RAD51B: variants seen among roughly 807,000 people sequenced by gnomAD.
RAD51B encodes RAD51 paralog B.
RAD51B carries 38 observed loss-of-function variants against 42.2 expected under a neutral mutation model. The observed-to-expected ratio is 0.90, with a 90% confidence interval of 0.70 to 1.18. The LOEUF (loss-of-function observed/expected upper bound fraction) is 1.18. Ranked by LOEUF, RAD51B falls within the 50% of genes most tolerant of loss-of-function variation. The probability of loss-of-function intolerance (pLI) is 0.00; values close to 1 mark genes in which losing one functional copy is unlikely to be tolerated. For missense variants in RAD51B, 373 were observed against 400.7 expected (o/e 0.93, Z 0.59); for synonymous variants, 154 against 145.2 (o/e 1.06, Z -0.43).
chr14:68,009,885 A>G (rs1451491878), intron 7 of RAD51B, among the ~76,000 whole-genome samples: 1 of 151,862 alleles, frequency 6.6e-6, no homozygotes, highest in Admixed American at 6.6e-5. Flanking sequence ...AGACTATTCT[A>G]TCTTATTCTC....
At chr14:68,642,878 G>C (rs1384997234) in intron 10 of RAD51B, among the ~76,000 whole-genome samples, 1 of 152,194 alleles carries the variant, frequency 6.6e-6, no homozygotes, top group Non-Finnish European at 1.5e-5. Context: ...ATTTATAAGT[G>C]TGTGGCTTAA....
At chr14:68,238,103 A>G (rs567470661) in intron 7 of RAD51B, among the ~76,000 whole-genome samples, 1 of 152,066 alleles carries the variant, frequency 6.6e-6, no homozygotes, top group African/African-American at 2.4e-5. Flanking sequence ...CTGCCAAATC[A>G]TTTTCCAAAG....
chr14:68,143,024 G>T (rs1045617903), intron 7 of RAD51B, among the ~76,000 whole-genome samples: 3 of 151,544 alleles, frequency 2.0e-5, no homozygotes, highest in Non-Finnish European at 2.9e-5. Flanking sequence ...AGGGGGTGGG[G>T]GGGGAGTTAT....
At chr14:68,494,752 G>T (rs1438194351) in intron 10 of RAD51B, among the ~76,000 whole-genome samples, 1 of 152,064 alleles carries the variant, frequency 6.6e-6, no homozygotes, top group Non-Finnish European at 1.5e-5. Flanking sequence ...TCCCAAGAAG[G>T]GTCGTGTTCT....
At chr14:67,884,267 A>G (rs2043000465) in intron 5 of RAD51B, among the ~76,000 whole-genome samples, 4 of 152,174 alleles carry the variant, frequency 2.6e-5, no homozygotes. Context: ...GGCCTTCAGC[A>G]ATGGCAAAGC....
chr14:67,989,498 C>T (rs1482991447), intron 7 of RAD51B, among the ~76,000 whole-genome samples: 3 of 151,782 alleles, frequency 2.0e-5, no homozygotes, highest in Non-Finnish European at 2.9e-5. Context: ...ATTAGCTGGG[C>T]GTGGTGGCAC....
chr14:68,049,819 T>G (rs7147134), intron 7 of RAD51B, among the ~76,000 whole-genome samples: 3,804 of 152,320 alleles, frequency 0.025, 105 homozygotes, highest in African/African-American at 0.067. Flanking sequence ...AACATTTCTC[T>G]TGTGTCATTC....
chr14:68,505,076 G>T (rs185662384), intron 10 of RAD51B, among the ~76,000 whole-genome samples: 1 of 152,304 alleles, frequency 6.6e-6, no homozygotes, highest in African/African-American at 2.4e-5. Flanking sequence ...TCTTGGGTAC[G>T]AAGTTTGACA....
At chr14:68,640,798 G>T (rs1374390985) in intron 10 of RAD51B, among the ~76,000 whole-genome samples, 1 of 152,214 alleles carries the variant, frequency 6.6e-6, no homozygotes, top group Non-Finnish European at 1.5e-5. Flanking sequence ...TGTGAGTTTT[G>T]TCAGATTGCA....
intron 8 of RAD51B, among the ~76,000 whole-genome samples, chr14:68,376,789 T>C (rs1174319204): frequency 1.3e-5 from 2 of 152,230 alleles, no homozygotes; most frequent in African/African-American, 4.8e-5. Context: ...GCAGTTTACA[T>C]AGGCAATGGT....
At chr14:68,404,719 CA>C (rs1192483851) in intron 8 of RAD51B, among the ~76,000 whole-genome samples, 1 of 152,104 alleles carries the variant, frequency 6.6e-6, no homozygotes, top group African/African-American at 2.4e-5. Flanking sequence ...TGCGTGAATC[CA>C]GCTGCTGGGC....
rs949218547 is a variant in RAD51B at position 68,560,665 on chromosome 14, G to A, written c.1037-33820G>A. On this transcript the variant is annotated intron_variant, in intron 10 of 10. Coordinates refer to the RAD51B transcript ENST00000487270. ...GCAGGAGAATCAGTTGAACCCGGGA[G>A]GCGGAGGTTGCAGTGAGCCGAGATT... Among the ~76,000 whole-genome samples, 11 of 152,188 alleles carry A rather than the reference G, an allele frequency of 7.2e-5. No individual in the cohort carries two copies. In the South Asian group the frequency reaches 2.3e-3, roughly 32 times the overall value.
At chr14:68,399,277 G>A (rs1463901520) in intron 8 of RAD51B, among the ~76,000 whole-genome samples, 2 of 118,762 alleles carry the variant, frequency 1.7e-5, no homozygotes, top group Non-Finnish European at 3.4e-5. Flanking sequence ...TTTTTTTTGA[G>A]ATGGAGTCTT....
At chr14:67,858,808 T>A (rs1372402869) in intron 4 of RAD51B, among the ~76,000 whole-genome samples, 1 of 152,220 alleles carries the variant, frequency 6.6e-6, no homozygotes, top group African/African-American at 2.4e-5. Flanking sequence ...CTCCTGTCGC[T>A]ATCATTAGTA....
chr14:68,110,255 A>T (rs2077440154), intron 7 of RAD51B, among the ~76,000 whole-genome samples: 1 of 152,036 alleles, frequency 6.6e-6, no homozygotes, highest in South Asian at 2.1e-4. Flanking sequence ...TTTGAAACTC[A>T]GAGAATGGTA....
rs866576279 is a variant in RAD51B, at chr14:67,871,617, G to T, written c.452+6478G>T. 5.9e-3 allele frequency among the ~76,000 whole-genome samples: 888 copies of T among 151,724 alleles called. 10 individuals are homozygous for T. Among genetic ancestry groups the T allele is most frequent in the African/African-American group, 0.02 (828 of 41,170 alleles). ...CCAGCATCATCCTGATACCAAAGCC[G>T]GGCAGAGACACAACCAAAAAAGAGA... On this transcript the variant is annotated intron_variant, in intron 5 of 10. Coordinates refer to ENST00000471583, the MANE Select transcript of RAD51B (RefSeq NM_133510.4).
chr14:68,228,616 A>G lies in RAD51B; in HGVS notation c.757-63268A>G, dbSNP rs371769169. 2.6e-5 allele frequency among the ~76,000 whole-genome samples: 4 copies of G among 152,314 alleles called. No homozygotes were observed. In the South Asian group the frequency reaches 6.2e-4, roughly 24 times the overall value. On this transcript the variant is annotated intron_variant, in intron 7 of 10. Transcript: ENST00000471583. ...CCTAAAACAGCTCTTGATGTGTAAG[A>G]CATGCTTTATAAATTTGTGTTGAAT... is the stretch of plus-strand genomic sequence containing the variant.
chr14:67,881,893 T>G (rs1446280716), intron 5 of RAD51B, among the ~76,000 whole-genome samples: 2 of 152,230 alleles, frequency 1.3e-5, no homozygotes, highest in African/African-American at 4.8e-5. Flanking sequence ...GCAACTGATT[T>G]AAAAAATTTT....
exon 11 of RAD51B, chr14:68,650,847 A>G: frequency 2.6e-6 from 2 of 758,502 alleles, no homozygotes; most frequent in East Asian, 2.4e-5. Context: ...GAGTCCTGAG[A>G]TTGCTACAGG....
Sources: allele counts gnomAD v4.1 joint callset (sites outside exome capture counted in the v4.1 genomes callset), GRCh38; gene constraint gnomAD v4.1.1; transcripts MANE v1.5; gene names NCBI Gene and HGNC (gene_info 2026-07-23, HGNC 2026-07-21).